The following FRMD4B variants were observed in gnomAD, a reference collection of about 807,000 sequenced individuals.
FRMD4B encodes the protein FERM domain containing 4B, also known as FERM domain-containing protein 4B.
Under a neutral mutation model 141.5 loss-of-function variants are expected in FRMD4B, and 74 were observed. The observed-to-expected ratio is 0.52, with a 90% CI of 0.43 to 0.63. FRMD4B has a LOEUF of 0.63. Ranked by LOEUF, FRMD4B falls within the 30% of genes least tolerant of loss-of-function variation. FRMD4B has a pLI of 0.00. For synonymous variants in FRMD4B, 506 were observed against 467.9 expected, an observed-to-expected ratio of 1.08 and a Z score of -1.05; for missense variants, 1,366 against 1,253.4, an observed-to-expected ratio of 1.09 and a Z score of -1.36.
At chr3:69,316,072 G>A (rs116299704) in intron 1 of FRMD4B, among the ~76,000 whole-genome samples, 4 of 152,286 alleles carry the variant, frequency 2.6e-5, no homozygotes, top group Non-Finnish European at 4.4e-5. Flanking sequence ...TGTTTTCAAT[G>A]TGAAAAATAC....
intron 3 of FRMD4B, among the ~76,000 whole-genome samples, chr3:69,304,660 G>A (rs1382934610): frequency 6.6e-6 from 1 of 152,108 alleles, no homozygotes; most frequent in African/African-American, 2.4e-5. Context: ...GGGATCAAAA[G>A]GATTGATGAC....
At chr3:69,250,009 G>A (rs781339248) in intron 6 of FRMD4B, 34 bp downstream of exon 6, 1 of 1,424,958 alleles carries the variant, frequency 7.0e-7, no homozygotes, top group South Asian at 1.1e-5. Flanking sequence ...ACAAACACAA[G>A]GGAGCTGCTA....
chr3:69,248,024 T>C (rs1277518256), intron 7 of FRMD4B, among the ~76,000 whole-genome samples: 2 of 148,716 alleles, frequency 1.3e-5, no homozygotes, highest in Non-Finnish European at 3.0e-5. Flanking sequence ...ACTCCTGGCC[T>C]CAAGTGATCC....
At chr3:69,412,711 G>A (rs1354149071) in intron 2 of FRMD4B, among the ~76,000 whole-genome samples, 5 of 152,212 alleles carry the variant, frequency 3.3e-5, no homozygotes, top group South Asian at 2.1e-4. Flanking sequence ...TTGAATGAGC[G>A]AAAAGACTAA....
At chr3:69,499,665 T>G (rs561270301) in intron 1 of FRMD4B, among the ~76,000 whole-genome samples, 4 of 152,268 alleles carry the variant, frequency 2.6e-5, no homozygotes, top group African/African-American at 9.6e-5. Flanking sequence ...GCTATCTTAT[T>G]ATTCTATCTG....
intron 2 of FRMD4B, among the ~76,000 whole-genome samples, chr3:69,419,807 C>G (rs1447285989): frequency 2.0e-5 from 3 of 152,212 alleles, no homozygotes; most frequent in African/African-American, 7.2e-5. Context: ...CAGAGAAGAA[C>G]TTGCAGACTG....
chr3:69,339,787 T>G (rs1194532554), intron 1 of FRMD4B, among the ~76,000 whole-genome samples: 2 of 152,200 alleles, frequency 1.3e-5, no homozygotes, highest in Admixed American at 1.3e-4. Context: ...ATTAAATTGA[T>G]GTGAAATAAT....
At chr3:69,495,586 G>A (rs1225953843) in intron 1 of FRMD4B, among the ~76,000 whole-genome samples, 1 of 152,210 alleles carries the variant, frequency 6.6e-6, no homozygotes, top group Admixed American at 6.5e-5. Flanking sequence ...TCATCCGACA[G>A]GCTGGGTTTG....
chr3:69,250,362 T>C (rs957446566), intron 5 of FRMD4B: 3 of 316,438 alleles, frequency 9.5e-6, no homozygotes, highest in Non-Finnish European at 1.7e-5. Context: ...TAGAGAGCAG[T>C]ATTCAGGAAG....
At chr3:69,419,469 G>C (rs879734680) in intron 2 of FRMD4B, among the ~76,000 whole-genome samples, 1 of 152,096 alleles carries the variant, frequency 6.6e-6, no homozygotes, top group Non-Finnish European at 1.5e-5. Context: ...TGTGGAAAGT[G>C]AGATTCTCTT....
chr3:69,498,224 T>C (rs2107052420), intron 1 of FRMD4B, among the ~76,000 whole-genome samples: 1 of 152,334 alleles, frequency 6.6e-6, no homozygotes, highest in African/African-American at 2.4e-5. Context: ...GCTGGTGCTG[T>C]TGAACATTCA....
chr3:69,406,912 T>TG (rs1704659490), intron 2 of FRMD4B, among the ~76,000 whole-genome samples: 1 of 2,756 alleles, frequency 3.6e-4, no homozygotes, highest in East Asian at 0.018. Context: ...TTAATTTTAA[T>TG]TTTTTTTTTT....
intron 1 of FRMD4B, among the ~76,000 whole-genome samples, chr3:69,445,689 A>G (rs544362248): frequency 6.6e-6 from 1 of 152,278 alleles, no homozygotes; most frequent in African/African-American, 2.4e-5. Context: ...GGGACTTGGC[A>G]CTTGCTGAGT....
intron 1 of FRMD4B, among the ~76,000 whole-genome samples, chr3:69,504,868 T>A (rs1706569650): frequency 6.6e-6 from 1 of 152,234 alleles, no homozygotes; most frequent in East Asian, 1.9e-4. Context: ...CACTTTCAAT[T>A]AAAGCTTTAT....
chr3:69,240,347 G>A (rs902298803), intron 7 of FRMD4B, among the ~76,000 whole-genome samples: 9 of 151,552 alleles, frequency 5.9e-5, no homozygotes, highest in Non-Finnish European at 1.3e-4. Context: ...CGGGCGTGGT[G>A]GCATGTGCCT....
intron 1 of FRMD4B, among the ~76,000 whole-genome samples, chr3:69,494,785 G>A (rs1236478751): frequency 2.0e-5 from 3 of 152,054 alleles, no homozygotes; most frequent in Admixed American, 1.3e-4. Flanking sequence ...CCAGCTACTT[G>A]GGAGGCTGAG....
intron 2 of FRMD4B, among the ~76,000 whole-genome samples, chr3:69,417,840 G>T (rs888112795): frequency 6.6e-6 from 1 of 152,222 alleles, no homozygotes; most frequent in Non-Finnish European, 1.5e-5. Context: ...TTCCTCCAGA[G>T]GTTGTAGGGG....
In FRMD4B at chr3:69,437,556, TATA is replaced by T. The variant is rs1362306580; in HGVS notation, c.-128-4798_-128-4796del. On this transcript the variant is annotated intron_variant, in intron 1 of 5. Transcript: ENST00000459638. ...AATATAATAAATATTAATTAAAATA[TATA>T]ATATGTACTATTATATATCAGTATA... Among the ~76,000 whole-genome samples, 9 of 143,022 alleles carry T rather than the reference TATA, an allele frequency of 6.3e-5. No homozygotes were observed. The South Asian group carries it at 6.4e-4, about 10-fold the overall frequency. The allele number at this position is 143,022 out of a possible 152,430, so 93.8% of individuals were successfully genotyped here.
At chr3:69,396,486 C>T (rs906291172) in intron 2 of FRMD4B, among the ~76,000 whole-genome samples, 1 of 151,064 alleles carries the variant, frequency 6.6e-6, no homozygotes, top group Non-Finnish European at 1.5e-5. Flanking sequence ...GCCTGGGTGA[C>T]AGAGTGAGAC....
Sources: gnomAD v4.1 joint callset for allele counts (sites outside exome capture counted in the v4.1 genomes callset) on GRCh38, gnomAD v4.1.1 for gene constraint, MANE v1.5 for transcripts, NCBI Gene and HGNC (gene_info 2026-07-23, HGNC 2026-07-21) for gene names.